The following MGAT4C variants were observed in gnomAD, a reference collection of about 807,000 sequenced individuals.
MGAT4C encodes alpha-1,3-mannosyl-glycoprotein 4-beta-N-acetylglucosaminyltransferase C.
Under a neutral mutation model 40.1 loss-of-function variants are expected in MGAT4C, and 19 were observed. That is an observed-to-expected ratio of 0.47 (90% CI 0.33 to 0.70). MGAT4C has a LOEUF of 0.70. Ranked by LOEUF, MGAT4C falls within the 30% of genes least tolerant of loss-of-function variation. MGAT4C has a pLI of 0.02. For missense variants in MGAT4C, 491 were observed against 563.2 expected, an observed-to-expected ratio of 0.87 and a Z score of 1.30; for synonymous variants, 181 against 187.1, an observed-to-expected ratio of 0.97 and a Z score of 0.27.
chr12:86,246,326 C>A (rs953317459), intron 1 of MGAT4C, among the ~76,000 whole-genome samples: 27 of 152,050 alleles, frequency 1.8e-4, no homozygotes, highest in African/African-American at 6.5e-4. Flanking sequence ...GCTGGGACTA[C>A]AGGCGCCCGT....
At chr12:86,382,289 G>A (rs547434043) in intron 3 of MGAT4C, among the ~76,000 whole-genome samples, 1 of 152,252 alleles carries the variant, frequency 6.6e-6, no homozygotes, top group East Asian at 1.9e-4. Flanking sequence ...AGAGACTGGT[G>A]GCATTGTGCC....
At chr12:86,155,609 C>G (rs1024168935) in intron 1 of MGAT4C, among the ~76,000 whole-genome samples, 26 of 152,048 alleles carry the variant, frequency 1.7e-4, no homozygotes, top group African/African-American at 6.3e-4. Flanking sequence ...TATGAAGGAG[C>G]AGGTGGAGTG....
intron 1 of MGAT4C, among the ~76,000 whole-genome samples, chr12:86,213,147 G>C (rs1307776522): frequency 6.6e-6 from 1 of 152,108 alleles, no homozygotes; most frequent in Non-Finnish European, 1.5e-5. Flanking sequence ...TTTATGGCTG[G>C]AGGATATGGT....
At position 85,980,382 on chromosome 12, in the gene MGAT4C, T is replaced by C; in HGVS notation, c.344A>G (p.Tyr115Cys). Residue 115 changes from tyrosine to cysteine, a missense_variant, in exon 5 of 5, where the codon TAT becomes TGT. Physicochemically the swap from Tyr to Cys is radical, Grantham distance 194. Transcript: ENST00000611864. The stretch of plus-strand genomic sequence containing the variant: ...AATTGACTTAATTGTCTCAAGTAAA[T>C]AGTTTCCTTTTTTTCGCTTTACTGA... ...LSSVKRKKGN[Y>C]LLETIKSIFE... 6.2e-7 allele frequency: 1 copy of C among 1,608,908 alleles called. No homozygotes were observed.
chr12:86,337,323 A>G (rs1320828718), intron 3 of MGAT4C, among the ~76,000 whole-genome samples: 2 of 152,004 alleles, frequency 1.3e-5, no homozygotes, highest in African/African-American at 4.8e-5. Flanking sequence ...GTGGCTGGGC[A>G]TGGTGGCTCA....
chr12:86,308,514 G>GAA (rs570426093), intron 4 of MGAT4C, among the ~76,000 whole-genome samples: 1 of 148,070 alleles, frequency 6.8e-6, no homozygotes. Context: ...TTCTGCAAAG[G>GAA]AAAAAAAAAT....
intron 1 of MGAT4C, among the ~76,000 whole-genome samples, chr12:86,067,605 T>C (rs1337843945): frequency 2.0e-5 from 3 of 152,022 alleles, no homozygotes; most frequent in Non-Finnish European, 4.4e-5. Flanking sequence ...ATACCTAATG[T>C]AGATGACGGG....
intron 4 of MGAT4C, among the ~76,000 whole-genome samples, chr12:86,287,112 T>G (rs143256906): frequency 7.3e-4 from 111 of 152,246 alleles, no homozygotes; most frequent in African/African-American, 2.5e-3. Flanking sequence ...ATAATGAGAC[T>G]GCTGGGTCAA....
At chr12:86,347,705 G>T (rs1024265808) in intron 3 of MGAT4C, among the ~76,000 whole-genome samples, 1 of 152,028 alleles carries the variant, frequency 6.6e-6, no homozygotes, top group Admixed American at 6.6e-5. Flanking sequence ...TTAAATTATG[G>T]TTCATTCATT....
intron 2 of MGAT4C, among the ~76,000 whole-genome samples, chr12:86,569,768 C>T (rs561931477): frequency 3.3e-5 from 5 of 151,910 alleles, no homozygotes; most frequent in South Asian, 2.1e-4. Context: ...TTTATAATAT[C>T]CAAAATAGAA....
chr12:86,085,943 G>A (rs1364000634), intron 1 of MGAT4C, among the ~76,000 whole-genome samples: 2 of 152,094 alleles, frequency 1.3e-5, no homozygotes, highest in Non-Finnish European at 2.9e-5. Context: ...CTGTTGGTGG[G>A]AGTGTAAATT....
At chr12:86,192,679 C>T (rs1889657483) in intron 1 of MGAT4C, among the ~76,000 whole-genome samples, 1 of 152,088 alleles carries the variant, frequency 6.6e-6, no homozygotes, top group Non-Finnish European at 1.5e-5. Flanking sequence ...GTGTTTATTG[C>T]TTAATATTTT....
intron 1 of MGAT4C, among the ~76,000 whole-genome samples, chr12:86,243,864 A>C (rs1453827061): frequency 6.6e-6 from 1 of 152,170 alleles, no homozygotes; most frequent in Non-Finnish European, 1.5e-5. Context: ...CAAGATAATA[A>C]ATGTCTATTG....
intron 3 of MGAT4C, among the ~76,000 whole-genome samples, chr12:86,405,908 AATATGTATGTATTTATATT>A (rs1195570049): frequency 2.1e-5 from 1 of 46,624 alleles, no homozygotes; most frequent in Non-Finnish European, 4.5e-5. Context: ...ATACATAGGT[AATATGTATGTATTTATATT>A]ATACATACAT....
chr12:86,309,623 T>C (rs1264294920), intron 4 of MGAT4C, among the ~76,000 whole-genome samples: 2 of 152,196 alleles, frequency 1.3e-5, no homozygotes, highest in African/African-American at 2.4e-5. Flanking sequence ...CACTATTGCA[T>C]TGAGAATTAA....
chr12:86,660,275 G>T (rs1441329323), intron 2 of MGAT4C, among the ~76,000 whole-genome samples: 1 of 152,106 alleles, frequency 6.6e-6, no homozygotes, highest in Non-Finnish European at 1.5e-5. Flanking sequence ...AGAAGAAGGA[G>T]AAGTCAAGAA....
At chr12:86,324,036 T>G (rs1954463226) in intron 4 of MGAT4C, among the ~76,000 whole-genome samples, 1 of 152,008 alleles carries the variant, frequency 6.6e-6, no homozygotes, top group African/African-American at 2.4e-5. Context: ...AGTTTTATTT[T>G]TTCTTTACAT....
At chr12:86,012,787 C>A (rs61931069) in intron 2 of MGAT4C, among the ~76,000 whole-genome samples, 17,175 of 119,938 alleles carry the variant, frequency 0.14, 1,096 homozygotes, top group African/African-American at 0.25. Context: ...CAACCACCAC[C>A]ACCACCACCA....
intron 2 of MGAT4C, among the ~76,000 whole-genome samples, chr12:86,507,687 T>C (rs921782413): frequency 2.0e-5 from 3 of 152,210 alleles, no homozygotes; most frequent in Non-Finnish European, 4.4e-5. Flanking sequence ...ATAAATGTTT[T>C]TGAAAGTCAT....
Sources: gnomAD v4.1 joint callset for allele counts (sites outside exome capture counted in the v4.1 genomes callset) on GRCh38, gnomAD v4.1.1 for gene constraint, MANE v1.5 for transcripts, NCBI Gene and HGNC (gene_info 2026-07-23, HGNC 2026-07-21) for gene names.